Variants in GABRG3 observed in about 807,000 individuals in gnomAD.
GABRG3 encodes the protein gamma-aminobutyric acid receptor subunit gamma-3.
Under a neutral mutation model 48.8 loss-of-function variants are expected in GABRG3, and 25 were observed. The observed-to-expected ratio is 0.51, with a 90% CI of 0.37 to 0.72. The LOEUF is 0.72. Ranked by LOEUF, GABRG3 falls within the 30% of genes least tolerant of loss-of-function variation. The pLI is 0.00. For missense variants in GABRG3, 394 were observed against 577.9 expected (o/e 0.68, Z 3.26); for synonymous variants, 227 against 217.6 (o/e 1.04, Z -0.38).
chr15:27,147,400 A>G (rs1898228680), intron 3 of GABRG3, among the ~76,000 whole-genome samples: 1 of 152,064 alleles, frequency 6.6e-6, no homozygotes, highest in South Asian at 2.1e-4. Context: ...TAATAGTAAG[A>G]ACAAGTAGAC....
intron 3 of GABRG3, among the ~76,000 whole-genome samples, chr15:27,289,588 C>T (rs1442675735): frequency 2.0e-5 from 3 of 152,180 alleles, no homozygotes; most frequent in African/African-American, 7.2e-5. Flanking sequence ...TGTACATAAG[C>T]ACTGTGCTCT....
intron 3 of GABRG3, among the ~76,000 whole-genome samples, chr15:27,288,717 G>GA (rs35366869): frequency 0.027 from 2,304 of 84,848 alleles, 44 homozygotes; most frequent in East Asian, 0.1. Context: ...CCGTCTCACA[G>GA]AAAAAAAAAA....
At chr15:27,508,838 C>A (rs570070321) in intron 6 of GABRG3, among the ~76,000 whole-genome samples, 2 of 152,130 alleles carry the variant, frequency 1.3e-5, no homozygotes, top group African/African-American at 4.8e-5. Context: ...CCCAGCCTCC[C>A]GAGTAGCTGG....
In GABRG3 at chr15:26,975,019, A is replaced by C. The variant is rs1349638768; in HGVS notation, c.54-1983A>C. Among the ~76,000 whole-genome samples the C allele has an allele frequency of 6.6e-6, 1 of 151,546 alleles. No individual in the cohort carries two copies. The highest frequency in any genetic ancestry group is 1.9e-4 in the East Asian group (1 of 5,158). ...CTCCTGAATAGCCAGGACTACAGGC[A>C]TGTGCCACCATGCCCCGCTAATTTT... On this transcript the variant is annotated intron_variant, in intron 1 of 9. Coordinates refer to ENST00000615808, the MANE Select transcript of GABRG3 (RefSeq NM_033223.5). The surrounding 1 kb of genome is among the most constrained non-coding windows in gnomAD (Gnocchi z 4.6).
chr15:27,223,468 G>A (rs972226620), intron 3 of GABRG3, among the ~76,000 whole-genome samples: 1 of 151,890 alleles, frequency 6.6e-6, no homozygotes. Flanking sequence ...AAGACCAGAG[G>A]GTCAATTTCT....
intron 6 of GABRG3, among the ~76,000 whole-genome samples, chr15:27,518,148 C>T (rs7176328): frequency 1.4e-5 from 2 of 144,356 alleles, no homozygotes; most frequent in African/African-American, 2.6e-5. Context: ...GTCAGGAGTT[C>T]GAGACCAGCA....
chr15:27,221,551 C>T (rs1889454421), intron 3 of GABRG3, among the ~76,000 whole-genome samples: 1 of 152,080 alleles, frequency 6.6e-6, no homozygotes, highest in South Asian at 2.1e-4. Flanking sequence ...TCAAGGTGGT[C>T]TCTCAGAGAG....
At chr15:27,061,038 T>A (rs1330369337) in intron 3 of GABRG3, among the ~76,000 whole-genome samples, 5 of 152,248 alleles carry the variant, frequency 3.3e-5, no homozygotes, top group African/African-American at 4.8e-5. Context: ...ACATTTTGAA[T>A]GTAAAAGATG....
At chr15:27,317,909 A>G (rs1893286822) in intron 3 of GABRG3, among the ~76,000 whole-genome samples, 1 of 137,564 alleles carries the variant, frequency 7.3e-6, no homozygotes, top group Non-Finnish European at 1.7e-5. Flanking sequence ...TCCTCAATAC[A>G]GCAAACACTC....
intron 3 of GABRG3, among the ~76,000 whole-genome samples, chr15:27,308,143 TAC>T (rs1491156513): frequency 4.3e-5 from 5 of 117,470 alleles, no homozygotes; most frequent in African/African-American, 3.5e-5. Flanking sequence ...TATATGTTTA[TAC>T]ATCCAAACAT....
chr15:27,236,063 T>C lies in GABRG3; in HGVS notation c.271-90746T>C, dbSNP rs1003629854. Among the ~76,000 whole-genome samples the C allele has an allele frequency of 5.3e-5, 8 of 152,168 alleles. No homozygotes were observed. Among genetic ancestry groups the C allele is most frequent in the African/African-American group, 1.9e-4 (8 of 41,448 alleles). On this transcript the variant is annotated intron_variant, in intron 3 of 9. Coordinates refer to ENST00000615808, the MANE Select transcript of GABRG3 (RefSeq NM_033223.5). This position sits in a 1 kb window ranked among gnomAD's most constrained non-coding sequence, Gnocchi z 4.4. ...AAATAATCCTTATATGAGAGAGACA[T>C]ATTTTGGGGTAGCATATTCTGGTCT...
intron 3 of GABRG3, among the ~76,000 whole-genome samples, chr15:27,156,298 C>CA (rs34055206): frequency 0.041 from 3,160 of 77,998 alleles, 162 homozygotes; most frequent in African/African-American, 0.14. Flanking sequence ...CACTCTGTCT[C>CA]AAAAAAAAAA....
At chr15:27,318,945 C>A (rs886646527) in intron 3 of GABRG3, among the ~76,000 whole-genome samples, 2 of 152,096 alleles carry the variant, frequency 1.3e-5, no homozygotes, top group African/African-American at 4.8e-5. Flanking sequence ...AGTTAAGTTC[C>A]GCAGGCCTAA....
intron 5 of GABRG3, among the ~76,000 whole-genome samples, chr15:27,349,961 C>A (rs371703050): frequency 0.011 from 1,624 of 146,788 alleles, 16 homozygotes; most frequent in Middle Eastern, 0.025. Context: ...GTGACAATAA[C>A]AAAAAAAAAC....
chr15:27,298,429 G>C (rs1485458050), intron 3 of GABRG3, among the ~76,000 whole-genome samples: 3 of 152,094 alleles, frequency 2.0e-5, no homozygotes, highest in Non-Finnish European at 2.9e-5. Context: ...GGCTGGAGGG[G>C]AAAGAGGGAG....
At chr15:27,035,399 T>C (rs1298493530) in intron 3 of GABRG3, among the ~76,000 whole-genome samples, 1 of 152,222 alleles carries the variant, frequency 6.6e-6, no homozygotes, top group Non-Finnish European at 1.5e-5. Context: ...ATGCACTGAC[T>C]CCTTCAAATG....
intron 5 of GABRG3, among the ~76,000 whole-genome samples, chr15:27,351,846 G>T (rs1182567579): frequency 1.3e-5 from 2 of 149,402 alleles, no homozygotes; most frequent in Admixed American, 6.7e-5. Context: ...GTGTGTGTTT[G>T]TATGGTGTGT....
intron 2 of GABRG3, among the ~76,000 whole-genome samples, chr15:26,983,235 A>ATATG (rs1595454746): frequency 6.6e-6 from 1 of 151,294 alleles, no homozygotes; most frequent in East Asian, 1.9e-4. Context: ...CAGTGAACTT[A>ATATG]TATGTACATA....
Position 27,388,367 on chromosome 15 carries a change from A to AG in GABRG3, c.574+59480dup, listed in dbSNP as rs1429966473. Among the ~76,000 whole-genome samples the AG allele has an allele frequency of 2.6e-3, 172 of 66,798 alleles. 2 individuals carry two copies. The highest frequency in any genetic ancestry group is 3.5e-3 in the South Asian group (5 of 1,416). The allele number at this position is 66,798 out of a possible 152,430, so 43.8% of individuals were successfully genotyped here. On this transcript the variant is annotated intron_variant, in intron 5 of 9. Coordinates refer to ENST00000615808, the MANE Select transcript of GABRG3 (RefSeq NM_033223.5). ...GGGAGGGAGGGTAAGGAAGGAAGGAAGAAAGGAAGGAAGGAAGGAAAGGAG... is the reference window on the plus strand; with the variant it reads ...GGGAGGGAGGGTAAGGAAGGAAGGAAGGAAAGGAAGGAAGGAAGGAAAGGAG...
Sources: allele counts gnomAD v4.1 joint callset (sites outside exome capture counted in the v4.1 genomes callset), GRCh38; gene constraint gnomAD v4.1.1; non-coding constraint Gnocchi (gnomAD v3.1); transcripts MANE v1.5; gene names NCBI Gene and HGNC (gene_info 2026-07-23, HGNC 2026-07-21).